The following C8A variants were observed in gnomAD, a reference collection of about 807,000 sequenced individuals.
C8A encodes complement component C8 alpha chain.
C8A carries 67 observed loss-of-function variants against 65.3 expected under a neutral mutation model. The ratio of observed to expected loss-of-function variants is 1.03; its 90% CI spans 0.84 to 1.26. C8A has a LOEUF of 1.26. Among genes scored for constraint, C8A ranks in the 50% most tolerant of loss-of-function variants. The pLI, the probability that C8A is intolerant of heterozygous loss-of-function variation, is 0.00. For missense variants in C8A, 781 were observed against 723.9 expected (o/e 1.08, Z -0.90); for synonymous variants, 290 against 259.4 (o/e 1.12, Z -1.13).
At chr1:56,883,080 C>G (rs1644260713) in intron 5 of C8A, among the ~76,000 whole-genome samples, 2 of 152,166 alleles carry the variant, frequency 1.3e-5, no homozygotes, top group Non-Finnish European at 2.9e-5. Context: ...TGCTTCTTTC[C>G]TCCCAGGCTC....
chr1:56,879,376 A>C (rs1644229160), intron 4 of C8A, among the ~76,000 whole-genome samples: 1 of 152,194 alleles, frequency 6.6e-6, no homozygotes. Context: ...TTCTTTGACT[A>C]CACCTTTCCC....
rs747665165 is a variant in C8A at position 56,876,228 on chromosome 1, G to A, written c.464+19G>A. ...CCTTGGGGTGAGGCCCTGCCTACTA[G>A]CTATTTAGGAGCAGGGAATGATTTG... On this transcript the variant is annotated intron_variant, in intron 4 of 10. Coordinates refer to ENST00000361249, the MANE Select transcript of C8A (RefSeq NM_000562.3). 3 of 1,613,294 alleles carry A rather than the reference G, an allele frequency of 1.9e-6. No homozygotes were observed. In the Admixed American group the frequency reaches 5.0e-5, roughly 27 times the overall value.
At chr1:56,869,384 T>A (rs1644121119) in intron 2 of C8A, among the ~76,000 whole-genome samples, 1 of 152,220 alleles carries the variant, frequency 6.6e-6, no homozygotes, top group African/African-American at 2.4e-5. Context: ...TATTCCATGG[T>A]GTATATGTAC....
chr1:56,874,642 G>C (rs1644179684), intron 2 of C8A, among the ~76,000 whole-genome samples: 1 of 152,104 alleles, frequency 6.6e-6, no homozygotes, highest in Non-Finnish European at 1.5e-5. Flanking sequence ...AAGATTAATA[G>C]GAATTTAACT....
At chr1:56,877,578 C>T (rs1644210697) in intron 4 of C8A, among the ~76,000 whole-genome samples, 1 of 152,182 alleles carries the variant, frequency 6.6e-6, no homozygotes. Context: ...GTCTTGTCTC[C>T]TAACTTGAAT....
Position 56,854,976 on chromosome 1 carries a change from C to A in C8A, c.75C>A (p.Asn25Lys), listed in dbSNP as rs1052034243. The part of the protein sequence containing the change: ...QPGVTAQEKV[N>K]QRVRRAATPA... ...GGGTAACTGCACAGGAGAAGGTGAA[C>A]CAGTAAGTGGGCCATATGTCTCTGC... is the stretch of plus-strand genomic sequence containing the variant. Residue 25 changes from asparagine (N) to lysine (K), a missense_variant and splice_region_variant, in exon 1 of 11, where the codon AAC (asparagine) becomes AAA (lysine). By Grantham distance (94) the Asn-to-Lys change is moderately conservative. Coordinates refer to ENST00000361249, the MANE Select transcript of C8A (RefSeq NM_000562.3). 3.1e-6 allele frequency: 5 copies of A among 1,612,480 alleles called. No homozygotes were observed. In the African/African-American group the frequency reaches 5.3e-5, roughly 17 times the overall value.
intron 2 of C8A, among the ~76,000 whole-genome samples, 163 bp downstream of exon 2, chr1:56,867,865 CGTGT>C (rs570142263): frequency 1.2e-3 from 186 of 152,128 alleles, no homozygotes; most frequent in African/African-American, 4.2e-3. Flanking sequence ...AACTTGTTTC[CGTGT>C]CTCCTAATTT....
chr1:56,880,089 A>G (rs1017831151), intron 4 of C8A, among the ~76,000 whole-genome samples: 1 of 152,164 alleles, frequency 6.6e-6, no homozygotes. Context: ...GAGACAAAAA[A>G]CGAGCAATAA....
chr1:56,913,284 A>C (rs1346810607), intron 10 of C8A, among the ~76,000 whole-genome samples: 1 of 152,214 alleles, frequency 6.6e-6, no homozygotes, highest in Non-Finnish European at 1.5e-5. Flanking sequence ...CACAGGTAAC[A>C]AGGGTTTGCC....
intron 1 of C8A, among the ~76,000 whole-genome samples, chr1:56,865,814 G>T (rs1275908910): frequency 6.6e-6 from 1 of 152,138 alleles, no homozygotes; most frequent in East Asian, 1.9e-4. Context: ...GAGATCACTG[G>T]TGATATTAAC....
chr1:56,865,581 CAGTA>C (rs1427577540), intron 1 of C8A, among the ~76,000 whole-genome samples: 6 of 152,240 alleles, frequency 3.9e-5, no homozygotes, highest in Non-Finnish European at 7.4e-5. Context: ...AAACATCAGT[CAGTA>C]AGACCACTTT....
At chr1:56,884,301 G>C (rs1360317450) in intron 6 of C8A, among the ~76,000 whole-genome samples, 1 of 152,020 alleles carries the variant, frequency 6.6e-6, no homozygotes, top group Non-Finnish European at 1.5e-5. Context: ...ACAAAAACTT[G>C]GGATTGAAAG....
At position 56,888,954 on chromosome 1, in the gene C8A, T is replaced by C. The variant is rs116487546; in HGVS notation, c.1096+2787T>C. Among the ~76,000 whole-genome samples the C allele has an allele frequency of 5.0e-3, 756 of 152,260 alleles. 6 individuals carry two copies. Among genetic ancestry groups the C allele is most frequent in the African/African-American group, 0.018 (736 of 41,568 alleles). ...GCCCTGGACCTCTAGTCTTCCACCA[T>C]GTGGTTGTGGTATAGCCTTTCATTT... On this transcript the variant is annotated intron_variant, in intron 7 of 10. Transcript: ENST00000361249.
Position 56,891,546 on chromosome 1 carries a change from G to A in C8A, c.1096+5379G>A, listed in dbSNP as rs370317185. ...GTGGACTCAGGAAGAACAATTAGGG[G>A]CATTGCTGATGTCCAGGTGAGGAAT... On this transcript the variant is annotated intron_variant, in intron 7 of 10. Coordinates refer to ENST00000361249, the MANE Select transcript of C8A (RefSeq NM_000562.3). Among the ~76,000 whole-genome samples the A allele has an allele frequency of 5.9e-5, 9 of 152,236 alleles. No individual in the cohort carries two copies. The South Asian group carries it at 1.9e-3, about 32-fold the overall frequency.
intron 4 of C8A, among the ~76,000 whole-genome samples, chr1:56,880,737 G>A (rs1015669381): frequency 2.0e-5 from 3 of 152,108 alleles, no homozygotes; most frequent in Non-Finnish European, 4.4e-5. Flanking sequence ...TGCTACAATA[G>A]CAACCTTTAT....
chr1:56,856,155 A>G (rs914862825), intron 1 of C8A, among the ~76,000 whole-genome samples: 4 of 152,126 alleles, frequency 2.6e-5, no homozygotes, highest in African/African-American at 9.7e-5. Flanking sequence ...TGAAGGAGGA[A>G]ATCATGAGGT....
rs1557705411 is a variant in C8A, at chr1:56,885,311, C to CGT, written c.856-616_856-615insGT. Among the ~76,000 whole-genome samples the CGT allele has an allele frequency of 2.8e-4, 31 of 109,184 alleles. 1 individual carries two copies. Among genetic ancestry groups the CGT allele is most frequent in the Middle Eastern group, 4.2e-3 (1 of 238 alleles). 71.6% of individuals were successfully genotyped at this position (109,184 alleles called of 152,430 possible). On this transcript the variant is annotated intron_variant, in intron 6 of 10. Coordinates refer to ENST00000361249, the MANE Select transcript of C8A (RefSeq NM_000562.3). ...ATAAATATATATTTATATATATTTA[C>CGT]ATAAATATATTTATTTAAATATATA...
intron 3 of C8A, among the ~76,000 whole-genome samples, chr1:56,875,755 A>C (rs975081477): frequency 1.3e-5 from 2 of 152,122 alleles, no homozygotes; most frequent in African/African-American, 4.8e-5. Context: ...GGCATTTGGA[A>C]GAAGAGGAAT....
intron 4 of C8A, among the ~76,000 whole-genome samples, chr1:56,880,366 T>C (rs1644237987): frequency 6.6e-6 from 1 of 152,178 alleles, no homozygotes. Flanking sequence ...GTATAATTTG[T>C]TGAATGCCTA....
Sources: gnomAD v4.1 joint callset for allele counts (sites outside exome capture counted in the v4.1 genomes callset) on GRCh38, gnomAD v4.1.1 for gene constraint, MANE v1.5 for transcripts, NCBI Gene and HGNC (gene_info 2026-07-23, HGNC 2026-07-21) for gene names.